Variants in SPATA17 observed in about 807,000 individuals in gnomAD.
SPATA17 encodes the protein spermatogenesis-associated protein 17.
A neutral mutation model predicts 62.2 loss-of-function variants in SPATA17; 53 were observed. That is an observed-to-expected ratio of 0.85 (90% confidence interval 0.68 to 1.07). The LOEUF is 1.07. Among genes scored for constraint, SPATA17 ranks in the 50% least tolerant of loss-of-function variants. SPATA17 has a pLI of 0.00. For synonymous variants in SPATA17, 146 were observed against 146.8 expected, an observed-to-expected ratio of 0.99 and a Z score of 0.04; for missense variants, 466 against 425.5, an observed-to-expected ratio of 1.10 and a Z score of -0.84.
chr1:217,857,389 A>G (rs1338924528), intron 9 of SPATA17, among the ~76,000 whole-genome samples: 2 of 152,170 alleles, frequency 1.3e-5, no homozygotes, highest in Non-Finnish European at 2.9e-5. Flanking sequence ...AAAGACTCCT[A>G]AATTGTCCCA....
chr1:217,742,219 G>A (rs1233129107), intron 6 of SPATA17, 121 bp downstream of exon 6: 2 of 1,317,812 alleles, frequency 1.5e-6, no homozygotes, highest in East Asian at 2.3e-5. Flanking sequence ...ACACTACTTC[G>A]AGTTCAATTT....
intron 5 of SPATA17, among the ~76,000 whole-genome samples, chr1:217,720,085 G>A (rs560965525): frequency 1.8e-4 from 28 of 152,294 alleles, no homozygotes; most frequent in African/African-American, 3.9e-4. Flanking sequence ...AATTGGAACC[G>A]GAGGAGGGAA....
At chr1:217,708,426 T>C (rs1291501341) in intron 5 of SPATA17, among the ~76,000 whole-genome samples, 3 of 152,074 alleles carry the variant, frequency 2.0e-5, no homozygotes, top group East Asian at 1.9e-4. Context: ...TATGAATACC[T>C]CTATGCACAT....
chr1:217,681,467 C>T (rs898957511), intron 4 of SPATA17, among the ~76,000 whole-genome samples: 2 of 151,594 alleles, frequency 1.3e-5, no homozygotes, highest in Admixed American at 6.6e-5. Context: ...TCTGCCTCCC[C>T]GGTTCAAGCG....
intron 5 of SPATA17, among the ~76,000 whole-genome samples, chr1:217,718,697 A>G (rs1672060979): frequency 6.6e-6 from 1 of 152,310 alleles, no homozygotes; most frequent in Middle Eastern, 3.4e-3. Context: ...AGGAAGAAGA[A>G]GAAGAAGAAA....
chr1:217,811,706 A>AG (rs1198946338), intron 9 of SPATA17, among the ~76,000 whole-genome samples: 111 of 152,002 alleles, frequency 7.3e-4, no homozygotes, highest in Non-Finnish European at 1.1e-3. Context: ...AAAAAAAAAA[A>AG]AAAACTATGT....
intron 6 of SPATA17, among the ~76,000 whole-genome samples, chr1:217,761,172 C>T (rs1353723143): frequency 6.6e-6 from 1 of 152,190 alleles, no homozygotes; most frequent in Non-Finnish European, 1.5e-5. Context: ...CATCACACTT[C>T]AGTTCTCGAA....
intron 5 of SPATA17, among the ~76,000 whole-genome samples, chr1:217,730,768 C>T (rs753715032): frequency 2.6e-4 from 40 of 151,894 alleles, no homozygotes; most frequent in Admixed American, 3.9e-4. Context: ...TTTTGATAGA[C>T]GATAAAAGAA....
intron 5 of SPATA17, among the ~76,000 whole-genome samples, chr1:217,702,896 T>G (rs1451326268): frequency 6.6e-6 from 1 of 152,126 alleles, no homozygotes; most frequent in African/African-American, 2.4e-5. Flanking sequence ...ACTTTTTTTT[T>G]TTTGAGATGG....
At chr1:217,639,906 T>C (rs1670020928) in intron 1 of SPATA17, among the ~76,000 whole-genome samples, 1 of 152,054 alleles carries the variant, frequency 6.6e-6, no homozygotes, top group Non-Finnish European at 1.5e-5. Flanking sequence ...GCCAATACCA[T>C]AATGTTTCAG....
chr1:217,841,146 T>A (rs974819471), intron 9 of SPATA17, among the ~76,000 whole-genome samples: 5 of 151,990 alleles, frequency 3.3e-5, no homozygotes, highest in Non-Finnish European at 7.4e-5. Flanking sequence ...ATGAAGCATC[T>A]ATGAAACAAT....
chr1:217,778,043 TATATAAC>T (rs1489141463), intron 7 of SPATA17, among the ~76,000 whole-genome samples: 9 of 152,282 alleles, frequency 5.9e-5, no homozygotes, highest in East Asian at 1.9e-4. Flanking sequence ...TCACATTGCA[TATATAAC>T]ATATAACTTT....
intron 5 of SPATA17, chr1:217,737,947 C>T (rs1189614053): frequency 1.3e-5 from 2 of 152,526 alleles, no homozygotes; most frequent in Non-Finnish European, 2.9e-5. Context: ...GCCTGAGCCT[C>T]CTGAGTAGCT....
At chr1:217,851,904 C>T (rs1274689241) in intron 9 of SPATA17, among the ~76,000 whole-genome samples, 3 of 152,136 alleles carry the variant, frequency 2.0e-5, no homozygotes, top group Non-Finnish European at 4.4e-5. Context: ...CATTTGTTAG[C>T]TATGCCTTTT....
intron 10 of SPATA17, among the ~76,000 whole-genome samples, chr1:217,865,376 G>A (rs1328668919): frequency 6.6e-6 from 1 of 152,078 alleles, no homozygotes; most frequent in African/African-American, 2.4e-5. Flanking sequence ...CTTTTAGCAT[G>A]TCTAAGTTTA....
At chr1:217,698,854 C>T (rs567642087) in intron 5 of SPATA17, among the ~76,000 whole-genome samples, 1 of 152,334 alleles carries the variant, frequency 6.6e-6, no homozygotes, top group African/African-American at 2.4e-5. Flanking sequence ...TAACCACATT[C>T]ACTTCTATTC....
At chr1:217,819,077 C>A (rs779964059) in intron 9 of SPATA17, among the ~76,000 whole-genome samples, 18 of 151,478 alleles carry the variant, frequency 1.2e-4, no homozygotes, top group Non-Finnish European at 2.7e-4. Flanking sequence ...TTTATATAAA[C>A]TATTTCTTAA....
chr1:217,757,644 G>A (rs563203975), intron 6 of SPATA17, among the ~76,000 whole-genome samples: 10 of 152,276 alleles, frequency 6.6e-5, no homozygotes, highest in Non-Finnish European at 1.2e-4. Context: ...GGGTTGGCAA[G>A]GAAGCAAGGT....
intron 6 of SPATA17, among the ~76,000 whole-genome samples, chr1:217,764,990 T>C (rs1490946416): frequency 6.6e-6 from 1 of 152,112 alleles, no homozygotes; most frequent in East Asian, 1.9e-4. Flanking sequence ...AAGATTCTAG[T>C]TTCTCACTGT....
Sources: gnomAD v4.1 joint callset for allele counts (sites outside exome capture counted in the v4.1 genomes callset) on GRCh38, gnomAD v4.1.1 for gene constraint, MANE v1.5 for transcripts, NCBI Gene and HGNC (gene_info 2026-07-23, HGNC 2026-07-21) for gene names.